The following CHST9 variants were observed in gnomAD, a reference collection of about 807,000 sequenced individuals.
CHST9 encodes the protein carbohydrate sulfotransferase 9.
In CHST9, 41 loss-of-function variants were observed where a neutral mutation model predicts 44.4. The ratio of observed to expected loss-of-function variants is 0.92; its 90% CI spans 0.72 to 1.20. The LOEUF (loss-of-function observed/expected upper bound fraction) is 1.20. Ranked by LOEUF, CHST9 falls within the 50% of genes most tolerant of loss-of-function variation. The pLI, the probability that CHST9 is intolerant of heterozygous loss-of-function variation, is 0.00. For synonymous variants in CHST9, 171 were observed against 178.4 expected, an observed-to-expected ratio of 0.96 and a Z score of 0.33; for missense variants, 504 against 516.5, an observed-to-expected ratio of 0.98 and a Z score of 0.23.
chr18:27,051,049 A>G (rs2057560696), intron 2 of CHST9, among the ~76,000 whole-genome samples: 1 of 152,202 alleles, frequency 6.6e-6, no homozygotes, highest in African/African-American at 2.4e-5. Context: ...CCACTGAATT[A>G]GATTGACTGT....
At chr18:26,976,785 G>T (rs1323516842) in intron 4 of CHST9, among the ~76,000 whole-genome samples, 2 of 152,096 alleles carry the variant, frequency 1.3e-5, no homozygotes, top group Non-Finnish European at 2.9e-5. Context: ...GGGACAGGGG[G>T]CTGCTTTGCT....
At chr18:26,929,189 T>A (rs2055831477) in intron 5 of CHST9, among the ~76,000 whole-genome samples, 1 of 152,076 alleles carries the variant, frequency 6.6e-6, no homozygotes, top group African/African-American at 2.4e-5. Context: ...GGAACCCTAA[T>A]CCTGTTCAGC....
Position 27,126,218 on chromosome 18 carries a change from T to G in CHST9, c.121+16471A>C, listed in dbSNP as rs796767223. Reference sequence around the variant, plus strand: ...GGAGGTTGCTACATGTGCCTCTGACTAAGAGAGAAGGCATACACCTGTATT... The same window carrying G: ...GGAGGTTGCTACATGTGCCTCTGACGAAGAGAGAAGGCATACACCTGTATT... On this transcript the variant is annotated intron_variant, in intron 2 of 5. Transcript: ENST00000618847. Among the ~76,000 whole-genome samples, 10 of 152,322 alleles carry G rather than the reference T, an allele frequency of 6.6e-5. 1 individual carries two copies. Among genetic ancestry groups the G allele is most frequent in the African/African-American group, 2.4e-4 (10 of 41,578 alleles).
chr18:26,934,110 G>A (rs780237722), intron 5 of CHST9, among the ~76,000 whole-genome samples: 1 of 152,228 alleles, frequency 6.6e-6, no homozygotes, highest in Non-Finnish European at 1.5e-5. Context: ...TGGGATGAAA[G>A]AGGAGGTCGG....
intron 1 of CHST9, among the ~76,000 whole-genome samples, chr18:27,150,519 T>C (rs2058651114): frequency 1.3e-5 from 2 of 152,146 alleles, no homozygotes; most frequent in Non-Finnish European, 2.9e-5. Context: ...TTCCAGCAGC[T>C]TCCAAATTTA....
intron 4 of CHST9, among the ~76,000 whole-genome samples, chr18:26,995,210 T>G (rs1465533819): frequency 2.8e-5 from 4 of 143,556 alleles, no homozygotes; most frequent in Non-Finnish European, 6.0e-5. Flanking sequence ...GATCACGAGG[T>G]CAGGAGATCA....
chr18:26,919,744 C>T (rs774721790), intron 5 of CHST9, among the ~76,000 whole-genome samples: 102 of 152,234 alleles, frequency 6.7e-4, no homozygotes, highest in African/African-American at 2.1e-3. Flanking sequence ...GGACTTTCTG[C>T]TTTGTGGCCA....
chr18:27,017,026 A>G (rs1211127735), intron 4 of CHST9, among the ~76,000 whole-genome samples: 1 of 152,234 alleles, frequency 6.6e-6, no homozygotes, highest in African/African-American at 2.4e-5. Flanking sequence ...ATCATTATCT[A>G]AAGTCATTAT....
chr18:27,063,208 A>T (rs1021830025), intron 2 of CHST9, among the ~76,000 whole-genome samples: 5 of 152,198 alleles, frequency 3.3e-5, no homozygotes, highest in Admixed American at 6.5e-5. Flanking sequence ...ATTACCCAGT[A>T]AACATTAGAT....
chr18:27,165,287 G>A (rs527967852), intron 1 of CHST9, among the ~76,000 whole-genome samples: 1 of 152,174 alleles, frequency 6.6e-6, no homozygotes, highest in South Asian at 2.1e-4. Context: ...TTAACTTCAG[G>A]GAAAATAGAA....
rs550367405 is a variant in CHST9, at chr18:27,058,524, C to A, written c.122-10021G>T. On this transcript the variant is annotated intron_variant, in intron 2 of 5. Transcript: ENST00000618847. Reference sequence around the variant, plus strand: ...AGCTTAGGCCTTGAGCATCAGGCAGCTTCTACTTTCCATCTTTAAAAACGT... The same window carrying A: ...AGCTTAGGCCTTGAGCATCAGGCAGATTCTACTTTCCATCTTTAAAAACGT... 3.3e-5 allele frequency among the ~76,000 whole-genome samples: 5 copies of A among 152,222 alleles called. 1 individual carries two copies. The East Asian group carries it at 9.7e-4, about 29-fold the overall frequency.
chr18:27,038,354 T>A, intron 3 of CHST9, among the ~76,000 whole-genome samples: 1 of 152,148 alleles, frequency 6.6e-6, no homozygotes, highest in East Asian at 1.9e-4. Flanking sequence ...GAGACCAGCC[T>A]GGCCAACATG....
chr18:27,055,065 C>G (rs2057639142), intron 2 of CHST9, among the ~76,000 whole-genome samples: 2 of 152,076 alleles, frequency 1.3e-5, no homozygotes, highest in Non-Finnish European at 2.9e-5. Context: ...AGTTTGCGTT[C>G]ACTTTCAGGC....
intron 1 of CHST9, among the ~76,000 whole-genome samples, chr18:27,172,802 T>C (rs1224358862): frequency 6.6e-6 from 1 of 152,048 alleles, no homozygotes; most frequent in African/African-American, 2.4e-5. Flanking sequence ...TGGAAATAAC[T>C]ATCCATATTC....
At chr18:27,158,941 C>T (rs780869460) in intron 1 of CHST9, among the ~76,000 whole-genome samples, 1 of 152,260 alleles carries the variant, frequency 6.6e-6, no homozygotes, top group Non-Finnish European at 1.5e-5. Context: ...CCTTCGCCCA[C>T]TTTTTGATGG....
chr18:26,917,277 G>C lies in CHST9; in HGVS notation c.314C>G (p.Thr105Ser). ...ENLLLNSERS[T>S]RLLTKTSHSQ... ...ATGACTGGTCTTTGTTAAGAGCCTA[G>C]TAGATCTCTCAGAATTGAGTAGAAG... The change falls in exon 6 of 6, where the codon ACT becomes AGT. Residue 105 changes from threonine (T) to serine (S), a missense_variant. Coordinates refer to ENST00000618847, the MANE Select transcript of CHST9 (RefSeq NM_031422.6). 2.5e-6 allele frequency: 4 copies of C among 1,613,764 alleles called. No individual in the cohort carries two copies. Among genetic ancestry groups the C allele is most frequent in the Non-Finnish European group, 3.4e-6 (4 of 1,179,768 alleles).
intron 2 of CHST9, among the ~76,000 whole-genome samples, chr18:27,050,920 G>A (rs2057559122): frequency 6.6e-6 from 1 of 152,174 alleles, no homozygotes. Context: ...ATTAGAATAA[G>A]TCACTAATTC....
intron 1 of CHST9, among the ~76,000 whole-genome samples, chr18:27,145,180 T>C (rs1020401715): frequency 3.3e-5 from 5 of 152,082 alleles, no homozygotes; most frequent in Non-Finnish European, 7.4e-5. Flanking sequence ...TTCCGTTTGT[T>C]TGTTTGTTTG....
At chr18:27,175,427 C>A (rs2058860681) in intron 1 of CHST9, among the ~76,000 whole-genome samples, 1 of 151,992 alleles carries the variant, frequency 6.6e-6, no homozygotes, top group Non-Finnish European at 1.5e-5. Context: ...AAAGGCATGC[C>A]TGGGCATTTA....
Sources: allele counts gnomAD v4.1 joint callset (sites outside exome capture counted in the v4.1 genomes callset), GRCh38; gene constraint gnomAD v4.1.1; transcripts MANE v1.5; gene names NCBI Gene and HGNC (gene_info 2026-07-23, HGNC 2026-07-21).